FAM13C: variants seen among roughly 807,000 people sequenced by gnomAD.
FAM13C encodes the protein protein FAM13C.
In FAM13C, 37 loss-of-function variants were observed where a neutral mutation model predicts 73.2. The ratio of observed to expected loss-of-function variants is 0.51; its 90% CI spans 0.39 to 0.67. The LOEUF is 0.67. Ranked by LOEUF, FAM13C falls within the 30% of genes least tolerant of loss-of-function variation. The pLI is 0.00. For missense variants in FAM13C, 589 were observed against 715.6 expected (o/e 0.82, Z 2.02); for synonymous variants, 246 against 260.9 (o/e 0.94, Z 0.55).
At chr10:59,337,375 G>A (rs1852854035) in intron 3 of FAM13C, among the ~76,000 whole-genome samples, 1 of 152,198 alleles carries the variant, frequency 6.6e-6, no homozygotes, top group South Asian at 2.1e-4. Flanking sequence ...AAGTAAAGCT[G>A]GAGTGAGAAT....
intron 4 of FAM13C, among the ~76,000 whole-genome samples, chr10:59,314,135 G>T (rs2133952636): frequency 6.6e-6 from 1 of 152,276 alleles, no homozygotes; most frequent in East Asian, 1.9e-4. Context: ...TGGGCTCTGA[G>T]ATGAGATTAA....
At chr10:59,284,184 C>T (rs1589448291) in intron 5 of FAM13C, among the ~76,000 whole-genome samples, 4 of 152,186 alleles carry the variant, frequency 2.6e-5, no homozygotes, top group Admixed American at 2.6e-4. Context: ...TCAGCATAAC[C>T]TCCCACCCAC....
intron 5 of FAM13C, among the ~76,000 whole-genome samples, chr10:59,292,871 T>C (rs1289035630): frequency 6.6e-6 from 1 of 152,068 alleles, no homozygotes; most frequent in African/African-American, 2.4e-5. Flanking sequence ...TCCTAGCTAT[T>C]TGAAAATCCG....
chr10:59,292,701 T>C (rs1846405208), intron 5 of FAM13C, among the ~76,000 whole-genome samples: 2 of 152,240 alleles, frequency 1.3e-5, no homozygotes, highest in South Asian at 2.1e-4. Flanking sequence ...TTTTAAGTTA[T>C]ATATTTTTAA....
intron 3 of FAM13C, among the ~76,000 whole-genome samples, chr10:59,335,307 C>T (rs2134133125): frequency 6.6e-6 from 1 of 152,264 alleles, no homozygotes; most frequent in African/African-American, 2.4e-5. Context: ...TAACACATGG[C>T]AAGTTTTTAT....
At chr10:59,284,574 ACCC>A (rs1845330467) in intron 5 of FAM13C, among the ~76,000 whole-genome samples, 1 of 123,200 alleles carries the variant, frequency 8.1e-6, no homozygotes, top group Admixed American at 9.0e-5. Context: ...ACACACCCTC[ACCC>A]CCTACTCCAC....
intron 5 of FAM13C, chr10:59,297,340 C>T (rs1847034643): frequency 6.6e-6 from 1 of 152,156 alleles, no homozygotes; most frequent in Non-Finnish European, 1.5e-5. Flanking sequence ...TCTCCACCTT[C>T]AAAAATCATT....
At chr10:59,283,874 C>T (rs1026049385) in intron 5 of FAM13C, among the ~76,000 whole-genome samples, 4 of 152,262 alleles carry the variant, frequency 2.6e-5, no homozygotes, top group African/African-American at 9.6e-5. Context: ...AAGCAGAAGA[C>T]ATTAGGTCCC....
intron 3 of FAM13C, chr10:59,327,688 T>G (rs1851364382): frequency 6.6e-6 from 1 of 152,028 alleles, no homozygotes; most frequent in Non-Finnish European, 1.5e-5. Flanking sequence ...TCAAAAATTG[T>G]AGAACATTAA....
At chr10:59,251,337 G>A (rs1048771271) in intron 13 of FAM13C, 18 of 463,650 alleles carry the variant, frequency 3.9e-5, no homozygotes, top group African/African-American at 3.4e-4. Flanking sequence ...GAGATTTTTG[G>A]AGTTTATCCT....
chr10:59,263,381 A>G (rs1237609571), intron 9 of FAM13C, among the ~76,000 whole-genome samples: 1 of 152,174 alleles, frequency 6.6e-6, no homozygotes, highest in East Asian at 1.9e-4. Flanking sequence ...ATGTTTAAAC[A>G]TTGCATATTT....
intron 10 of FAM13C, among the ~76,000 whole-genome samples, chr10:59,259,262 G>T (rs769865306): frequency 6.6e-6 from 1 of 152,076 alleles, no homozygotes; most frequent in Admixed American, 6.6e-5. Context: ...TACCAAATGC[G>T]GAAATTACAG....
intron 5 of FAM13C, among the ~76,000 whole-genome samples, chr10:59,286,516 A>AATATATAC (rs1554820150): frequency 9.0e-6 from 1 of 110,946 alleles, no homozygotes; most frequent in African/African-American, 3.4e-5. Context: ...CTCCATCTCA[A>AATATATAC]ATATATATAT....
At chr10:59,307,207 G>A (rs1848354119) in intron 4 of FAM13C, among the ~76,000 whole-genome samples, 1 of 152,132 alleles carries the variant, frequency 6.6e-6, no homozygotes, top group African/African-American at 2.4e-5. Flanking sequence ...CTGGAATGGG[G>A]CACTCTAAGT....
At chr10:59,283,334 T>A in intron 6 of FAM13C, 29 bp downstream of exon 6, 1 of 1,611,134 alleles carries the variant, frequency 6.2e-7, no homozygotes, top group Non-Finnish European at 8.5e-7. Context: ...AGAGTACAAT[T>A]TGGGACAACC....
chr10:59,319,558 C>T (rs1015147965), intron 4 of FAM13C, among the ~76,000 whole-genome samples: 1 of 152,152 alleles, frequency 6.6e-6, no homozygotes, highest in Non-Finnish European at 1.5e-5. Flanking sequence ...TCATAAATTT[C>T]CCTTTGTCAT....
intron 11 of FAM13C, 72 bp from the exon 12 acceptor site, chr10:59,253,070 A>C: frequency 6.8e-7 from 1 of 1,468,738 alleles, no homozygotes; most frequent in South Asian, 1.1e-5. Flanking sequence ...AAAAACAGGA[A>C]GGGGAACTAT....
intron 3 of FAM13C, among the ~76,000 whole-genome samples, chr10:59,349,209 T>C (rs946316136): frequency 3.3e-5 from 5 of 152,244 alleles, no homozygotes; most frequent in African/African-American, 4.8e-5. Flanking sequence ...CTGTCATCTA[T>C]AGATGGTTAC....
At chr10:59,273,222 C>T (rs1305661804) in intron 6 of FAM13C, among the ~76,000 whole-genome samples, 1 of 152,114 alleles carries the variant, frequency 6.6e-6, no homozygotes, top group Non-Finnish European at 1.5e-5. Context: ...ACAAATTCCT[C>T]TTAAAAGTAA....
Sources: gnomAD v4.1 joint callset for allele counts (sites outside exome capture counted in the v4.1 genomes callset) on GRCh38, gnomAD v4.1.1 for gene constraint, MANE v1.5 for transcripts, NCBI Gene and HGNC (gene_info 2026-07-23, HGNC 2026-07-21) for gene names.